CHRM3: variants seen among roughly 807,000 people sequenced by gnomAD.
The protein encoded by CHRM3 is cholinergic receptor muscarinic 3.
CHRM3 carries 11 observed loss-of-function variants against 41.8 expected under a neutral mutation model. The ratio of observed to expected loss-of-function variants is 0.26; its 90% confidence interval spans 0.17 to 0.44. CHRM3 has a LOEUF of 0.44. Among genes scored for constraint, CHRM3 ranks in the 20% least tolerant of loss-of-function variants. The pLI, the probability that CHRM3 is intolerant of heterozygous loss-of-function variation, is 1.00. For missense variants in CHRM3, 571 were observed against 745.4 expected, an observed-to-expected ratio of 0.77 and a Z score of 2.72; for synonymous variants, 297 against 301.4, an observed-to-expected ratio of 0.99 and a Z score of 0.15.
At chr1:239,405,082 A>G (rs2103011454) in intron 1 of CHRM3, among the ~76,000 whole-genome samples, 1 of 152,256 alleles carries the variant, frequency 6.6e-6, no homozygotes, top group Admixed American at 6.5e-5. Context: ...CCCATCCGTT[A>G]GGGGACATTT....
At chr1:239,429,885 T>C (rs1024758083) in intron 1 of CHRM3, among the ~76,000 whole-genome samples, 13 of 151,850 alleles carry the variant, frequency 8.6e-5, no homozygotes, top group Non-Finnish European at 1.6e-4. Flanking sequence ...GCTTGTTAAA[T>C]TTATTAAAGT....
chr1:239,688,758 T>C (rs1419529365), intron 5 of CHRM3, among the ~76,000 whole-genome samples: 1 of 137,218 alleles, frequency 7.3e-6, no homozygotes, highest in African/African-American at 2.7e-5. Context: ...CATTATTCAA[T>C]ATAATATATA....
chr1:239,576,367 G>A (rs983953188), intron 3 of CHRM3, among the ~76,000 whole-genome samples: 1 of 152,026 alleles, frequency 6.6e-6, no homozygotes, highest in African/African-American at 2.4e-5. Flanking sequence ...AGTGACAAGA[G>A]AGCATTAGCA....
chr1:239,861,714 G>T (rs1558187753), intron 6 of CHRM3, among the ~76,000 whole-genome samples: 1 of 152,106 alleles, frequency 6.6e-6, no homozygotes, highest in Non-Finnish European at 1.5e-5. Context: ...GAGGTGAAAG[G>T]CTATCTCTAA....
chr1:239,430,002 C>G (rs1170583580), intron 1 of CHRM3, among the ~76,000 whole-genome samples: 1 of 127,480 alleles, frequency 7.8e-6, no homozygotes, highest in Non-Finnish European at 1.6e-5. Flanking sequence ...ATGTCTTGTT[C>G]TATTGCCCAG....
chr1:239,505,741 G>T (rs1055832557), intron 2 of CHRM3, among the ~76,000 whole-genome samples: 1 of 152,188 alleles, frequency 6.6e-6, no homozygotes, highest in African/African-American at 2.4e-5. Context: ...GGCAGATGTT[G>T]TAAGAGTTTG....
intron 1 of CHRM3, among the ~76,000 whole-genome samples, chr1:239,440,263 C>T (rs1663611001): frequency 6.7e-6 from 1 of 148,886 alleles, no homozygotes; most frequent in Non-Finnish European, 1.5e-5. Flanking sequence ...GATAAATTTA[C>T]ATATAAGCCA....
intron 1 of CHRM3, among the ~76,000 whole-genome samples, chr1:239,404,406 AAGAAAAAG>A (rs1558195642): frequency 0.014 from 728 of 53,178 alleles, 1 homozygote; most frequent in Middle Eastern, 0.017. Context: ...GAAAGAAAGA[AAGAAAAAG>A]AAAGAAAGAA....
At chr1:239,541,100 G>A (rs1335842619) in intron 2 of CHRM3, among the ~76,000 whole-genome samples, 1 of 151,930 alleles carries the variant, frequency 6.6e-6, no homozygotes, top group Non-Finnish European at 1.5e-5. Context: ...CTTAGTTGGG[G>A]CCAATGTCTG....
At chr1:239,835,306 T>C (rs2149121602) in intron 6 of CHRM3, among the ~76,000 whole-genome samples, 1 of 152,302 alleles carries the variant, frequency 6.6e-6, no homozygotes, top group African/African-American at 2.4e-5. Context: ...TTCCTTTCTT[T>C]CCCCTTTTCT....
chr1:239,749,987 T>C (rs1572174489), intron 5 of CHRM3, among the ~76,000 whole-genome samples: 1 of 152,214 alleles, frequency 6.6e-6, no homozygotes, highest in Admixed American at 6.5e-5. Flanking sequence ...CTCATGGCTG[T>C]TGTTTAAGGA....
At chr1:239,805,630 ATGTG>A (rs5782101) in intron 5 of CHRM3, among the ~76,000 whole-genome samples, 98 of 148,788 alleles carry the variant, frequency 6.6e-4, no homozygotes, top group Middle Eastern at 3.5e-3. Flanking sequence ...GGTGGGGTGA[ATGTG>A]TGTGTGTGTG....
intron 2 of CHRM3, among the ~76,000 whole-genome samples, chr1:239,501,561 A>C (rs2148134821): frequency 6.6e-6 from 1 of 152,284 alleles, no homozygotes; most frequent in East Asian, 1.9e-4. Flanking sequence ...AAATTAAAAA[A>C]TTCTTTCAAG....
chr1:239,694,745 TAAAC>T (rs1660023085), intron 5 of CHRM3, among the ~76,000 whole-genome samples: 8 of 152,204 alleles, frequency 5.3e-5, no homozygotes, highest in Admixed American at 5.2e-4. Context: ...TATTTTAAGA[TAAAC>T]AATATCCTAA....
chr1:239,521,336 A>T (rs1669624852), intron 2 of CHRM3, among the ~76,000 whole-genome samples: 1 of 152,140 alleles, frequency 6.6e-6, no homozygotes, highest in Admixed American at 6.5e-5. Context: ...TTATGGTTCC[A>T]GTGAAATCAG....
chr1:239,530,408 G>T (rs1290549197), intron 2 of CHRM3, among the ~76,000 whole-genome samples: 2 of 152,146 alleles, frequency 1.3e-5, no homozygotes, highest in Admixed American at 1.3e-4. Context: ...AAGACAAGCT[G>T]CTCCAAGCAG....
chr1:239,873,164 A>T (rs924543308), intron 6 of CHRM3, among the ~76,000 whole-genome samples: 1 of 152,042 alleles, frequency 6.6e-6, no homozygotes, highest in African/African-American at 2.4e-5. Context: ...TGTCTATCTG[A>T]ACACATCCAG....
At chr1:239,650,921 AT>A (rs1263976650) in intron 4 of CHRM3, among the ~76,000 whole-genome samples, 5 of 152,204 alleles carry the variant, frequency 3.3e-5, no homozygotes, top group African/African-American at 1.2e-4. Flanking sequence ...ATATGTGTAA[AT>A]TTATGCATAA....
chr1:239,607,777 T>C (rs1666514715), intron 3 of CHRM3, among the ~76,000 whole-genome samples: 1 of 152,198 alleles, frequency 6.6e-6, no homozygotes, highest in African/African-American at 2.4e-5. Context: ...ATGCCTTAGA[T>C]TTATTTGAAG....
Sources: gnomAD v4.1 joint callset for allele counts (sites outside exome capture counted in the v4.1 genomes callset) on GRCh38, gnomAD v4.1.1 for gene constraint, MANE v1.5 for transcripts, NCBI Gene and HGNC (gene_info 2026-07-23, HGNC 2026-07-21) for gene names.